Variants in ADCY6 observed in about 807,000 individuals in gnomAD.
The protein encoded by ADCY6 is adenylate cyclase type 6.
A neutral mutation model predicts 111.6 loss-of-function variants in ADCY6; 59 were observed. The ratio of observed to expected loss-of-function variants is 0.53; its 90% CI spans 0.43 to 0.66. The LOEUF is 0.66. Among genes scored for constraint, ADCY6 ranks in the 30% least tolerant of loss-of-function variants. The pLI is 0.00. For synonymous variants in ADCY6, 576 were observed against 642.9 expected (o/e 0.90, Z 1.57); for missense variants, 1,242 against 1,595.6 (o/e 0.78, Z 3.78).
chr12:48,773,976 C>T lies in ADCY6; in HGVS notation c.2406G>A (p.Leu802=). ...LNYSLGLDAP[L]CEGTMPTCSF... ...TGCAGGTGGGCATGGTGCCCTCACA[C>T]AGGGGAGCATCCAGGCCCAGAGAGT... The change falls in exon 15 of 22, where the codon CTG becomes CTA. Residue 802 remains leucine (L), a synonymous_variant. Coordinates refer to ENST00000357869, the MANE Select transcript of ADCY6 (RefSeq NM_015270.5). 2 of 1,613,898 alleles carry T rather than the reference C, an allele frequency of 1.2e-6. No homozygotes were observed. The highest frequency in any genetic ancestry group is 1.7e-6 in the Non-Finnish European group (2 of 1,179,910).
Position 48,774,731 on chromosome 12 carries a change from A to G in ADCY6, c.2126T>C (p.Leu709Pro), listed in dbSNP as rs377222388. 6.2e-6 allele frequency: 10 copies of G among 1,614,034 alleles called. No homozygotes were observed. The highest frequency in any genetic ancestry group is 1.3e-5 in the African/African-American group (1 of 74,920). ...GIYASIFLLL[L>P]ITVLICAVYS... ...CACAGCACAGATCAGCACGGTGATT[A>G]GCAGCAGCAGGAAGATGCTGGCATA... The change falls in exon 13 of 22, where the codon CTA becomes CCA. Residue 709 changes from leucine to proline, a missense_variant. By Grantham distance (98) the Leu-to-Pro change is moderately conservative. This residue lies in a region of ADCY6 where 375 missense variants were observed against 432.5 expected (regional missense o/e 0.87). Transcript: ENST00000357869.
intron 13 of ADCY6, 52 bp downstream of exon 13, chr12:48,774,637 CTG>C (rs1484799904): frequency 1.9e-6 from 3 of 1,592,618 alleles, no homozygotes; most frequent in Non-Finnish European, 2.6e-6. Context: ...GACCTCCTCC[CTG>C]TCTGGAGTCC....
intron 2 of ADCY6, among the ~76,000 whole-genome samples, chr12:48,781,155 G>A (rs1941833402): frequency 1.3e-5 from 2 of 149,550 alleles, no homozygotes; most frequent in South Asian, 4.2e-4. Flanking sequence ...CTGAGATCGC[G>A]CCACTGCACC....
rs111877960 is a variant in ADCY6 at position 48,771,487 on chromosome 12, G to T, written c.3051+223C>A. 9.9e-5 allele frequency: 68 copies of T among 683,698 alleles called. No individual in the cohort carries two copies. Among genetic ancestry groups the T allele is most frequent in the African/African-American group, 8.3e-4 (47 of 56,762 alleles). The allele number at this position is 683,698 out of a possible 1,614,324, so 42.4% of individuals were successfully genotyped here. ...CCCCCTACAGATCAAGTCCTCCCCT[G>T]CTCCCCAACAGTGATGACCCTGCCC... On this transcript the variant is annotated intron_variant, in intron 19 of 21. Transcript: ENST00000357869. This position sits in a 1 kb window ranked among gnomAD's most constrained non-coding sequence, Gnocchi z 4.3.
chr12:48,771,933 T>C lies in ADCY6; in HGVS notation c.2828A>G (p.Tyr943Cys). ...EKEEMEELQA[Y>C]NRRLLHNILP... Reference sequence around the variant, plus strand: ...AATGTTATGCAGCAGCCTCCGGTTGTATGCCTGTAGCTCCTCCATCTCCTC... The same window carrying C: ...AATGTTATGCAGCAGCCTCCGGTTGCATGCCTGTAGCTCCTCCATCTCCTC... Residue 943 changes from tyrosine to cysteine, a missense_variant, in exon 19 of 22, where the codon TAC (tyrosine) becomes TGC (cysteine). Transcript: ENST00000357869. The surrounding 1 kb of genome is among the most constrained non-coding windows in gnomAD (Gnocchi z 4.3). 6.2e-7 allele frequency: 1 copy of C among 1,613,984 alleles called. No homozygotes were observed.
chr12:48,775,850 A>G (rs1197692459), intron 9 of ADCY6, 113 bp downstream of exon 9: 2 of 1,522,690 alleles, frequency 1.3e-6, no homozygotes, highest in Non-Finnish European at 1.8e-6. Context: ...CACTGCCCCA[A>G]TACCAGAAAG....
Position 48,782,952 on chromosome 12 carries a change from C to T in ADCY6, c.483G>A (p.Leu161=), listed in dbSNP as rs777195828. The stretch of plus-strand genomic sequence containing the variant: ...GGAAAGCCAGCAGCACCGCTGTGAG[C>T]AGCACCAGCACCGCCATCAGCAGCG... ...SLTLLMAVLV[L]LTAVLLAFHA... Residue 161 remains leucine, a synonymous_variant, in exon 2 of 22, where the codon CTG becomes CTA. Coordinates refer to ENST00000357869, the MANE Select transcript of ADCY6 (RefSeq NM_015270.5). This position sits in a 1 kb window ranked among gnomAD's most constrained non-coding sequence, Gnocchi z 4.3. 3.1e-6 allele frequency: 5 copies of T among 1,613,426 alleles called. No homozygotes were observed. The highest frequency in any genetic ancestry group is 4.2e-6 in the Non-Finnish European group (5 of 1,179,868).
chr12:48,782,558 C>T lies in ADCY6; in HGVS notation c.864+13G>A. On this transcript the variant is annotated intron_variant, in intron 2 of 21. Transcript: ENST00000357869. This position sits in a 1 kb window ranked among gnomAD's most constrained non-coding sequence, Gnocchi z 4.3. Reference sequence around the variant, plus strand: ...ACCTGCTGCCCTCCATCCCTACCTCCCTGGCCACCTACCTGCTTCCAGAGG... The same window carrying T: ...ACCTGCTGCCCTCCATCCCTACCTCTCTGGCCACCTACCTGCTTCCAGAGG... 6.2e-7 allele frequency: 1 copy of T among 1,602,136 alleles called. No homozygotes were observed. Among genetic ancestry groups the T allele is most frequent in the African/African-American group, 1.3e-5 (1 of 74,916 alleles).
At position 48,776,699 on chromosome 12, in the gene ADCY6, G is replaced by GGGGACGGGAGCACAGCCTTGGT; in HGVS notation, c.1377-135_1377-114dup. 7.4e-7 allele frequency: 1 copy of GGGGACGGGAGCACAGCCTTGGT among 1,352,882 alleles called. No individual in the cohort carries two copies. The allele number at this position is 1,352,882 out of a possible 1,614,324, so 83.8% of individuals were successfully genotyped here. A position where few individuals can be genotyped will look rare whatever the true frequency, so the allele number is the denominator to read the frequency against. ...GCGGGCAAGGACAGACCCAGATGCA[G>GGGGACGGGAGCACAGCCTTGGT]GGGACGGGAGCACAGCCTTGGTTGG... On this transcript the variant is annotated intron_variant, in intron 6 of 21. Transcript: ENST00000357869. The surrounding 1 kb of genome is among the most constrained non-coding windows in gnomAD (Gnocchi z 6.1).
chr12:48,777,882 C>T lies in ADCY6; in HGVS notation c.1015-146G>A, dbSNP rs1941745498. On this transcript the variant is annotated intron_variant, in intron 3 of 21. Coordinates refer to ENST00000357869, the MANE Select transcript of ADCY6 (RefSeq NM_015270.5). The surrounding 1 kb of genome is among the most constrained non-coding windows in gnomAD (Gnocchi z 4.9). The stretch of plus-strand genomic sequence containing the variant: ...GGACTGTGGCCTGACCTTCCCCCAT[C>T]AGAGCCCCCTCTGACCACCCTCCAT... 6.6e-6 allele frequency: 9 copies of T among 1,367,974 alleles called. No homozygotes were observed. Among genetic ancestry groups the T allele is most frequent in the Non-Finnish European group, 8.9e-6 (9 of 1,011,698 alleles). The allele number at this position is 1,367,974 out of a possible 1,614,324, so 84.7% of individuals were successfully genotyped here.
chr12:48,777,062 C>T lies in ADCY6; in HGVS notation c.1376+42G>A. The T allele has an allele frequency of 1.9e-6, 3 of 1,544,800 alleles. No homozygotes were observed. Among genetic ancestry groups the T allele is most frequent in the Non-Finnish European group, 2.6e-6 (3 of 1,144,526 alleles). ...ATCAAAAAGTAGGAGCAGTCTGGGG[C>T]ACCCGCAATTCCAGGAAGCCTAGGA... is the stretch of plus-strand genomic sequence containing the variant. On this transcript the variant is annotated intron_variant, in intron 6 of 21. Transcript: ENST00000357869. This position sits in a 1 kb window ranked among gnomAD's most constrained non-coding sequence, Gnocchi z 4.9.
chr12:48,774,154 A>G, intron 14 of ADCY6, 56 bp from the exon 15 acceptor site: 1 of 1,524,586 alleles, frequency 6.6e-7, no homozygotes, highest in Non-Finnish European at 8.9e-7. Context: ...GTTGCAAGGT[A>G]CCTGGTGAAG....
chr12:48,772,275 C>G lies in ADCY6; in HGVS notation c.2787+20G>C, dbSNP rs759941976. Reference sequence around the variant, plus strand: ...CCGCCCCTAGGTTCCTCCTCTTCCCCCAAAGGCCCACACAGTCACCTGTAG... The same window carrying G: ...CCGCCCCTAGGTTCCTCCTCTTCCCGCAAAGGCCCACACAGTCACCTGTAG... On this transcript the variant is annotated intron_variant, in intron 18 of 21. Coordinates refer to ENST00000357869, the MANE Select transcript of ADCY6 (RefSeq NM_015270.5). The G allele has an allele frequency of 6.3e-7, 1 of 1,599,264 alleles. No homozygotes were observed. The highest frequency in any genetic ancestry group is 8.5e-7 in the Non-Finnish European group (1 of 1,172,740).
rs140866554 is a variant in ADCY6, at chr12:48,773,675, G to C, written c.2443-28C>G. The C allele has an allele frequency of 1.8e-3, 2,837 of 1,613,510 alleles. 43 individuals are homozygous for C. The African/African-American group carries it at 0.034, about 20-fold the overall frequency. On this transcript the variant is annotated intron_variant, in intron 15 of 21. Coordinates refer to ENST00000357869, the MANE Select transcript of ADCY6 (RefSeq NM_015270.5). Reference sequence around the variant, plus strand: ...GCGGGGGTGGCAGAGGCAGCGTTGGGTGAAGGCAGAGGCCACAGCACCCTT... The same window carrying C: ...GCGGGGGTGGCAGAGGCAGCGTTGGCTGAAGGCAGAGGCCACAGCACCCTT...
At chr12:48,769,274 A>G (rs1163590750) in intron 20 of ADCY6, among the ~76,000 whole-genome samples, 1 of 151,984 alleles carries the variant, frequency 6.6e-6, no homozygotes, top group Non-Finnish European at 1.5e-5. Context: ...TAGCTGGACA[A>G]TGGTGGTACA....
At position 48,783,135 on chromosome 12, in the gene ADCY6, C is replaced by T. The variant is rs749785433; in HGVS notation, c.300G>A (p.Ala100=). The part of the protein sequence containing the change: ...GFEDTEVTTT[A]GGTAEVAPDA... ...CGGGCGCCACCTCAGCCGTCCCGCC[C>T]GCTGTCGTTGTCACCTCGGTATCCT... The change falls in exon 2 of 22, where the codon GCG becomes GCA. Residue 100 remains alanine, a synonymous_variant. Coordinates refer to ENST00000357869, the MANE Select transcript of ADCY6 (RefSeq NM_015270.5). The T allele has an allele frequency of 3.1e-6, 5 of 1,608,420 alleles. No individual in the cohort carries two copies. Among genetic ancestry groups the T allele is most frequent in the South Asian group, 1.1e-5 (1 of 90,996 alleles).
intron 1 of ADCY6, among the ~76,000 whole-genome samples, chr12:48,788,166 A>G (rs552050674): frequency 2.0e-5 from 3 of 152,148 alleles, no homozygotes; most frequent in Non-Finnish European, 4.4e-5. Flanking sequence ...CAGGGCCTGT[A>G]TCTGTCGGTC....
rs1941741928 is a variant in ADCY6 at position 48,777,741 on chromosome 12, C to A, written c.1015-5G>T. 1 of 1,613,796 alleles carries A rather than the reference C, an allele frequency of 6.2e-7. No individual in the cohort carries two copies. The highest frequency in any genetic ancestry group is 1.3e-5 in the African/African-American group (1 of 74,930). On this transcript the variant is annotated splice_region_variant and splice_polypyrimidine_tract_variant and intron_variant, in intron 3 of 21. Transcript: ENST00000357869. The surrounding 1 kb of genome is among the most constrained non-coding windows in gnomAD (Gnocchi z 4.9). ...TACCGACAGCAGCAGCCGCTCCTAG[C>A]CCAGTGGTTCCAATAGGGCATCACT...
intron 1 of ADCY6, 62 bp from the exon 2 acceptor site, chr12:48,783,500 C>T: frequency 6.2e-7 from 1 of 1,603,004 alleles, no homozygotes; most frequent in South Asian, 1.1e-5. Context: ...TTAATACCAC[C>T]ATCACAGCCA....
Sources: gnomAD v4.1 joint callset for allele counts (sites outside exome capture counted in the v4.1 genomes callset) on GRCh38, gnomAD v4.1.1 for gene constraint, gnomAD v4.1.1 regional missense constraint, Gnocchi (gnomAD v3.1) non-coding constraint, MANE v1.5 for transcripts, NCBI Gene and HGNC (gene_info 2026-07-23, HGNC 2026-07-21) for gene names.